The following NIBAN1 variants were observed in gnomAD, a reference collection of about 807,000 sequenced individuals.
NIBAN1 encodes the protein niban apoptosis regulator 1.
A neutral mutation model predicts 75.1 loss-of-function variants in NIBAN1; 81 were observed. That is an observed-to-expected ratio of 1.08 (90% CI 0.90 to 1.30). The LOEUF is 1.30. Among genes scored for constraint, NIBAN1 ranks in the 50% most tolerant of loss-of-function variants. The pLI, the probability that NIBAN1 is intolerant of heterozygous loss-of-function variation, is 0.00. For missense variants in NIBAN1, 1,133 were observed against 1,128.1 expected (o/e 1.00, Z -0.06); for synonymous variants, 436 against 424.8 (o/e 1.03, Z -0.32).
chr1:184,822,944 A>C (rs1168630312), intron 8 of NIBAN1, among the ~76,000 whole-genome samples: 2 of 151,892 alleles, frequency 1.3e-5, no homozygotes, highest in Non-Finnish European at 2.9e-5. Context: ...AGGCACTGCC[A>C]AAGGCAAGAA....
At chr1:184,948,348 AC>A (rs1289250888) in intron 1 of NIBAN1, among the ~76,000 whole-genome samples, 1 of 152,214 alleles carries the variant, frequency 6.6e-6, no homozygotes, top group Admixed American at 6.5e-5. Flanking sequence ...ATCCTGGAAC[AC>A]AAAAAGGGTA....
At chr1:184,888,584 G>T (rs1230810815) in intron 4 of NIBAN1, among the ~76,000 whole-genome samples, 1 of 152,160 alleles carries the variant, frequency 6.6e-6, no homozygotes, top group Non-Finnish European at 1.5e-5. Context: ...AAGTCAGAAG[G>T]TCACAACACA....
At chr1:184,910,675 A>G (rs1407867704) in intron 1 of NIBAN1, among the ~76,000 whole-genome samples, 1 of 152,186 alleles carries the variant, frequency 6.6e-6, no homozygotes, top group Non-Finnish European at 1.5e-5. Flanking sequence ...GATTAATTTT[A>G]TGTGTCAGTT....
chr1:184,914,867 C>T (rs1657342837), intron 1 of NIBAN1, among the ~76,000 whole-genome samples: 1 of 152,020 alleles, frequency 6.6e-6, no homozygotes, highest in African/African-American at 2.4e-5. Context: ...GGACTACAGG[C>T]ACCCGCCACC....
intron 12 of NIBAN1, among the ~76,000 whole-genome samples, chr1:184,800,664 T>C (rs1471487529): frequency 1.3e-5 from 2 of 152,064 alleles, no homozygotes; most frequent in Non-Finnish European, 1.5e-5. Context: ...TTGTCAAAGA[T>C]CAGATAGTTG....
At chr1:184,937,379 T>C (rs1191120790) in intron 1 of NIBAN1, among the ~76,000 whole-genome samples, 4 of 152,106 alleles carry the variant, frequency 2.6e-5, no homozygotes, top group Non-Finnish European at 5.9e-5. Flanking sequence ...GGTCATACAA[T>C]CTTCTATTGT....
intron 12 of NIBAN1, among the ~76,000 whole-genome samples, chr1:184,802,007 C>T (rs113620065): frequency 6.6e-6 from 1 of 152,094 alleles, no homozygotes; most frequent in East Asian, 1.9e-4. Context: ...TCACAGTTCC[C>T]CAGACAATTC....
intron 1 of NIBAN1, among the ~76,000 whole-genome samples, chr1:184,923,454 T>C (rs1657609344): frequency 6.6e-6 from 1 of 152,190 alleles, no homozygotes; most frequent in Admixed American, 6.5e-5. Flanking sequence ...CCATGCTGTT[T>C]TGGTTACTAT....
chr1:184,869,875 T>C (rs1303658911), intron 5 of NIBAN1, among the ~76,000 whole-genome samples: 1 of 152,216 alleles, frequency 6.6e-6, no homozygotes, highest in African/African-American at 2.4e-5. Context: ...TGCTGTTGAA[T>C]ATCACTTCAA....
intron 1 of NIBAN1, among the ~76,000 whole-genome samples, chr1:184,921,296 T>G (rs1435823542): frequency 6.6e-6 from 1 of 151,734 alleles, no homozygotes; most frequent in African/African-American, 2.4e-5. Context: ...AAACTCTGTC[T>G]CAAAAAAAAA....
rs1331929863 is a variant in NIBAN1 at position 184,845,971 on chromosome 1, C to T, written c.602-14009G>A. 2.4e-5 allele frequency among the ~76,000 whole-genome samples: 2 copies of T among 81,868 alleles called. 1 individual carries two copies. The highest frequency in any genetic ancestry group is 2.6e-4 in the Admixed American group (2 of 7,608). The allele number at this position is 81,868 out of a possible 152,430, so 53.7% of individuals were successfully genotyped here. A position where few individuals can be genotyped will look rare whatever the true frequency, so the allele number is the denominator to read the frequency against. ...TATCCCACACCTGGCTCAGAGGGTC[C>T]TACGCCCACGGAATCTCGCTGATTG... On this transcript the variant is annotated intron_variant, in intron 5 of 13. Transcript: ENST00000367511.
chr1:184,892,934 G>C (rs1429045320), intron 3 of NIBAN1, among the ~76,000 whole-genome samples: 2 of 152,044 alleles, frequency 1.3e-5, no homozygotes, highest in African/African-American at 4.8e-5. Flanking sequence ...AGCATGCCCA[G>C]CTAATTTTTG....
chr1:184,866,080 T>C (rs1223970483), intron 5 of NIBAN1, among the ~76,000 whole-genome samples: 1 of 152,164 alleles, frequency 6.6e-6, no homozygotes, highest in Non-Finnish European at 1.5e-5. Context: ...ATGTGCTTAC[T>C]ACACCCCTAC....
chr1:184,818,212 A>C, intron 9 of NIBAN1, among the ~76,000 whole-genome samples: 1 of 152,320 alleles, frequency 6.6e-6, no homozygotes, highest in Non-Finnish European at 1.5e-5. Context: ...ATGAGGATAT[A>C]TACTTGTATG....
intron 5 of NIBAN1, among the ~76,000 whole-genome samples, chr1:184,833,776 CAT>C (rs1321670907): frequency 6.6e-6 from 1 of 150,384 alleles, no homozygotes; most frequent in African/African-American, 2.4e-5. Context: ...CCAATAGTAA[CAT>C]AGAGATTTGG....
intron 1 of NIBAN1, among the ~76,000 whole-genome samples, chr1:184,926,325 C>A (rs961087816): frequency 2.6e-5 from 4 of 152,204 alleles, no homozygotes; most frequent in African/African-American, 9.7e-5. Flanking sequence ...GCAACCTCCA[C>A]CTCCCGGGTT....
intron 1 of NIBAN1, among the ~76,000 whole-genome samples, chr1:184,949,019 C>A (rs1186871487): frequency 6.6e-6 from 1 of 151,758 alleles, no homozygotes; most frequent in Non-Finnish European, 1.5e-5. Flanking sequence ...AATTTTTGTT[C>A]TAAAATCTTT....
At chr1:184,871,884 TG>T (rs1198705978) in intron 5 of NIBAN1, among the ~76,000 whole-genome samples, 2 of 152,196 alleles carry the variant, frequency 1.3e-5, no homozygotes, top group Non-Finnish European at 2.9e-5. Flanking sequence ...ATCAGAAGGA[TG>T]TCCCCACAAT....
At chr1:184,904,275 C>T (rs904614737) in intron 1 of NIBAN1, among the ~76,000 whole-genome samples, 3 of 152,068 alleles carry the variant, frequency 2.0e-5, no homozygotes, top group African/African-American at 4.8e-5. Context: ...ATGATCCACC[C>T]GCCTCGACTC....
Sources: gnomAD v4.1 joint callset for allele counts (sites outside exome capture counted in the v4.1 genomes callset) on GRCh38, gnomAD v4.1.1 for gene constraint, MANE v1.5 for transcripts, NCBI Gene and HGNC (gene_info 2026-07-23, HGNC 2026-07-21) for gene names.